KHDRBS2: variants seen among roughly 807,000 people sequenced by gnomAD.
KHDRBS2 encodes KH RNA binding domain containing, signal transduction associated 2, also known as KH domain-containing, RNA-binding, signal transduction-associated protein 2.
In KHDRBS2, 26 loss-of-function variants were observed where a neutral mutation model predicts 44.3. The observed-to-expected ratio is 0.59, with a 90% CI of 0.43 to 0.81. The LOEUF (loss-of-function observed/expected upper bound fraction) is 0.81, where lower values mean the gene tolerates loss of function less well. KHDRBS2 is among the 40% of genes least tolerant of loss of function. KHDRBS2 has a pLI of 0.00. For synonymous variants in KHDRBS2, 194 were observed against 151.1 expected, an observed-to-expected ratio of 1.28 and a Z score of -2.08; for missense variants, 476 against 433.1, an observed-to-expected ratio of 1.10 and a Z score of -0.88.
At chr6:61,663,470 T>C in the KHDRBS2 span, among the ~76,000 whole-genome samples, 58 of 107,476 alleles carry the variant, frequency 5.4e-4, 1 homozygote, top group East Asian at 0.018. Flanking sequence ...CAAACATTAG[T>C]CATTACCATT....
intron 3 of KHDRBS2, among the ~76,000 whole-genome samples, chr6:62,021,533 T>C (rs973085932): frequency 3.3e-5 from 5 of 151,882 alleles, no homozygotes; most frequent in African/African-American, 4.8e-5. Context: ...TCATTTTACA[T>C]ATATAAGTTC....
At position 61,774,897 on chromosome 6, in the gene KHDRBS2, A is replaced by G. The variant is rs1781681461; in HGVS notation, c.811-42133T>C. Among the ~76,000 whole-genome samples, 3 of 152,126 alleles carry G rather than the reference A, an allele frequency of 2.0e-5. 1 individual carries two copies. Among genetic ancestry groups the G allele is most frequent in the Admixed American group, 6.6e-5 (1 of 15,258 alleles). ...CATCAATGCAAAAATCCTCAAGAAAATACTAGCAAACTGAATCCAGCAGCA... is the reference window on the plus strand; with the variant it reads ...CATCAATGCAAAAATCCTCAAGAAAGTACTAGCAAACTGAATCCAGCAGCA... On this transcript the variant is annotated intron_variant, in intron 6 of 8. Coordinates refer to ENST00000281156, the MANE Select transcript of KHDRBS2 (RefSeq NM_152688.4).
chr6:61,653,683 G>A, the KHDRBS2 span, among the ~76,000 whole-genome samples: 11 of 152,066 alleles, frequency 7.2e-5, no homozygotes, highest in African/African-American at 2.6e-4. Flanking sequence ...GGCACAAATT[G>A]AGGCTACAAA....
chr6:62,113,894 C>T (rs1805597572), intron 2 of KHDRBS2, among the ~76,000 whole-genome samples: 1 of 152,160 alleles, frequency 6.6e-6, no homozygotes, highest in South Asian at 2.1e-4. Flanking sequence ...TGAAGAAATA[C>T]CCGAGACTGG....
chr6:62,052,119 A>G (rs1789204127), intron 2 of KHDRBS2, among the ~76,000 whole-genome samples: 1 of 152,026 alleles, frequency 6.6e-6, no homozygotes, highest in African/African-American at 2.4e-5. Flanking sequence ...ATATGACCCA[A>G]CAATCCCTCT....
chr6:62,040,477 C>G (rs1342272481), intron 3 of KHDRBS2, among the ~76,000 whole-genome samples: 1 of 151,922 alleles, frequency 6.6e-6, no homozygotes, highest in African/African-American at 2.4e-5. Context: ...AGGTAGTGTA[C>G]CATGAATACA....
At chr6:61,777,047 C>T (rs1782163425) in intron 6 of KHDRBS2, among the ~76,000 whole-genome samples, 1 of 151,802 alleles carries the variant, frequency 6.6e-6, no homozygotes, top group Non-Finnish European at 1.5e-5. Context: ...GACAAAAAAC[C>T]AAACACCACA....
chr6:61,776,523 G>A (rs575204081), intron 6 of KHDRBS2, among the ~76,000 whole-genome samples: 212 of 152,164 alleles, frequency 1.4e-3, no homozygotes, highest in Non-Finnish European at 2.2e-3. Context: ...TGCAGCAAAA[G>A]AACACATGAA....
At chr6:62,222,151 G>C (rs554677189) in intron 1 of KHDRBS2, among the ~76,000 whole-genome samples, 1 of 152,264 alleles carries the variant, frequency 6.6e-6, no homozygotes, top group East Asian at 1.9e-4. Flanking sequence ...ACAGTAGAAA[G>C]GGATTAGGTG....
intron 2 of KHDRBS2, among the ~76,000 whole-genome samples, chr6:62,124,826 T>C (rs1261161843): frequency 4.6e-5 from 7 of 152,346 alleles, no homozygotes; most frequent in East Asian, 1.9e-4. Context: ...CTGTCTTCCA[T>C]AGAGGTTGTA....
chr6:62,261,045 A>G (rs1331104864), intron 1 of KHDRBS2, among the ~76,000 whole-genome samples: 1 of 151,864 alleles, frequency 6.6e-6, no homozygotes, highest in Non-Finnish European at 1.5e-5. Flanking sequence ...AGACTACCAA[A>G]CAGACATATT....
At chr6:61,728,528 CTT>C (rs1247635166) in intron 7 of KHDRBS2, among the ~76,000 whole-genome samples, 3 of 151,970 alleles carry the variant, frequency 2.0e-5, no homozygotes, top group Non-Finnish European at 4.4e-5. Flanking sequence ...CTGAAAATAA[CTT>C]AAACATTTAA....
chr6:61,859,219 A>T (rs527601793), intron 6 of KHDRBS2, among the ~76,000 whole-genome samples: 105 of 151,902 alleles, frequency 6.9e-4, no homozygotes, highest in African/African-American at 2.4e-3. Flanking sequence ...TATGTTAATG[A>T]CTCCAAGTTT....
In KHDRBS2 at chr6:61,686,881, C is replaced by T. The variant is rs537217427; in HGVS notation, c.953-5821G>A. On this transcript the variant is annotated intron_variant, in intron 8 of 8. Coordinates refer to ENST00000281156, the MANE Select transcript of KHDRBS2 (RefSeq NM_152688.4). ...ATTATATAATAATTAGTGTTGATTC[C>T]AACAACAATTAATTAGCCAAAAAAA... is the stretch of plus-strand genomic sequence containing the variant. Among the ~76,000 whole-genome samples, 122 of 150,334 alleles carry T rather than the reference C, an allele frequency of 8.1e-4. 1 individual carries two copies. The highest frequency in any genetic ancestry group is 8.7e-4 in the Non-Finnish European group (59 of 67,526).
intron 6 of KHDRBS2, among the ~76,000 whole-genome samples, chr6:61,825,883 A>G (rs1368333379): frequency 2.6e-5 from 4 of 152,098 alleles, no homozygotes; most frequent in Non-Finnish European, 5.9e-5. Context: ...ATAAGTCAAT[A>G]TTTAAAAAAT....
At chr6:61,916,965 A>ATTTTTTTTT (rs10700035) in intron 4 of KHDRBS2, among the ~76,000 whole-genome samples, 12 of 90,624 alleles carry the variant, frequency 1.3e-4, no homozygotes, top group Admixed American at 2.8e-4. Flanking sequence ...GGAACTCTGT[A>ATTTTTTTTT]TTTTTTTTTT....
At chr6:62,275,645 AG>A (rs1273864221) in intron 1 of KHDRBS2, among the ~76,000 whole-genome samples, 3 of 152,238 alleles carry the variant, frequency 2.0e-5, no homozygotes, top group Non-Finnish European at 2.9e-5. Context: ...CAATTTCTAA[AG>A]TAACCTAGTT....
the KHDRBS2 span, among the ~76,000 whole-genome samples, chr6:61,555,867 C>A: frequency 6.6e-6 from 1 of 152,136 alleles, no homozygotes; most frequent in African/African-American, 2.4e-5. Flanking sequence ...CTTCTCTGGC[C>A]CACTGAGGTT....
At chr6:61,953,093 G>A (rs1765112206) in intron 4 of KHDRBS2, among the ~76,000 whole-genome samples, 1 of 151,668 alleles carries the variant, frequency 6.6e-6, no homozygotes, top group East Asian at 1.9e-4. Context: ...CCAAATTAGA[G>A]AATTCCCCAA....
Sources: gnomAD v4.1 joint callset for allele counts (sites outside exome capture counted in the v4.1 genomes callset) on GRCh38, gnomAD v4.1.1 for gene constraint, MANE v1.5 for transcripts, NCBI Gene and HGNC (gene_info 2026-07-23, HGNC 2026-07-21) for gene names.